The following PTPRD variants were observed in gnomAD, a reference collection of about 807,000 sequenced individuals.
PTPRD encodes receptor-type tyrosine-protein phosphatase delta.
Under a neutral mutation model 214.5 loss-of-function variants are expected in PTPRD, and 34 were observed. That is an observed-to-expected ratio of 0.16 (90% confidence interval 0.12 to 0.21). The LOEUF (loss-of-function observed/expected upper bound fraction) is 0.21, where lower values mean the gene tolerates loss of function less well. Among genes scored for constraint, PTPRD ranks in the 10% least tolerant of loss-of-function variants. PTPRD has a pLI of 1.00. For missense variants in PTPRD, 2,545 were observed against 2,398.7 expected, an observed-to-expected ratio of 1.06 and a Z score of -1.27; for synonymous variants, 1,128 against 845.7, an observed-to-expected ratio of 1.33 and a Z score of -5.79.
rs542659519 is a variant in PTPRD, at chr9:9,642,405, T to TA, written c.-286-67625dup. 1.1e-4 allele frequency among the ~76,000 whole-genome samples: 17 copies of TA among 151,644 alleles called. No individual in the cohort carries two copies. In the South Asian group the frequency reaches 3.1e-3, roughly 28 times the overall value. ...CAATGTGCACATGTACCCTAAAACTTAAAGTATAATAAAAAAAATAAGTTA... is the reference window on the plus strand; with the variant it reads ...CAATGTGCACATGTACCCTAAAACTTAAAAGTATAATAAAAAAAATAAGTTA... On this transcript the variant is annotated intron_variant, in intron 7 of 45. Transcript: ENST00000381196.
intron 2 of PTPRD, among the ~76,000 whole-genome samples, chr9:10,503,721 A>T (rs1010024857): frequency 1.3e-5 from 2 of 152,076 alleles, no homozygotes; most frequent in African/African-American, 2.4e-5. Flanking sequence ...AAATGAATAG[A>T]CTATATGGTG....
chr9:10,408,104 CTTG>C (rs2098394121), intron 2 of PTPRD, among the ~76,000 whole-genome samples: 1 of 151,508 alleles, frequency 6.6e-6, no homozygotes, highest in Non-Finnish European at 1.5e-5. Context: ...ATTTCCCTGC[CTTG>C]TTATCTTTGC....
chr9:10,211,038 T>C (rs772995666), intron 3 of PTPRD, among the ~76,000 whole-genome samples: 16 of 151,716 alleles, frequency 1.1e-4, no homozygotes, highest in Non-Finnish European at 1.9e-4. Flanking sequence ...AAACACAGTA[T>C]ATGATTTTTA....
chr9:9,217,190 C>T (rs76290162), intron 9 of PTPRD, among the ~76,000 whole-genome samples: 5,198 of 152,126 alleles, frequency 0.034, 135 homozygotes, highest in South Asian at 0.058. Context: ...CTGTCTCTTC[C>T]TAATGTTGGG....
At chr9:8,944,260 G>A (rs1328298908) in intron 11 of PTPRD, among the ~76,000 whole-genome samples, 1 of 152,102 alleles carries the variant, frequency 6.6e-6, no homozygotes, top group African/African-American at 2.4e-5. Flanking sequence ...AGTGAATGCT[G>A]GCGAGGATGT....
chr9:8,322,288 A>G (rs7848626), intron 44 of PTPRD, among the ~76,000 whole-genome samples: 68,178 of 152,040 alleles, frequency 0.45, 19,670 homozygotes, highest in African/African-American at 0.82. Flanking sequence ...TAAATCACAA[A>G]CTAGAAATAA....
intron 11 of PTPRD, among the ~76,000 whole-genome samples, chr9:8,761,623 A>G (rs1473532478): frequency 6.6e-6 from 1 of 152,196 alleles, no homozygotes; most frequent in Non-Finnish European, 1.5e-5. Context: ...AGGAGTTACA[A>G]TCCTAAGAAC....
intron 9 of PTPRD, among the ~76,000 whole-genome samples, chr9:9,322,990 G>T (rs1165406306): frequency 6.6e-6 from 1 of 152,038 alleles, no homozygotes; most frequent in African/African-American, 2.4e-5. Flanking sequence ...AACCTTCCAA[G>T]AAAATAAATT....
intron 12 of PTPRD, among the ~76,000 whole-genome samples, chr9:8,658,283 T>C (rs1260436181): frequency 1.3e-5 from 2 of 152,206 alleles, no homozygotes; most frequent in African/African-American, 2.4e-5. Flanking sequence ...AATAGCAATT[T>C]AATTTTTAAA....
chr9:8,851,879 C>A (rs1178603040), intron 11 of PTPRD, among the ~76,000 whole-genome samples: 1 of 151,992 alleles, frequency 6.6e-6, no homozygotes, highest in Non-Finnish European at 1.5e-5. Flanking sequence ...GTTCTTTTCA[C>A]TGTAGCCTAA....
At chr9:9,332,150 G>C (rs1029787390) in intron 9 of PTPRD, among the ~76,000 whole-genome samples, 1 of 152,028 alleles carries the variant, frequency 6.6e-6, no homozygotes, top group Non-Finnish European at 1.5e-5. Flanking sequence ...ATACCAAATT[G>C]TAAGAATGTG....
Position 8,341,176 on chromosome 9 carries a change from T to C in PTPRD, c.5040A>G (p.Pro1680=), listed in dbSNP as rs765306433. Residue 1680 remains proline, a synonymous_variant, in exon 41 of 46, where the codon CCA becomes CCG. Coordinates refer to ENST00000381196, the MANE Select transcript of PTPRD (RefSeq NM_002839.4). ...GCAGGCATACCCTTGTGGATTCATA[T>C]GGCATAATATTAACAAGGCGATTTT... The part of the protein sequence containing the change: ...KFKNRLVNIM[P]YESTRVCLQP... The C allele has an allele frequency of 1.2e-6, 2 of 1,613,216 alleles. No homozygotes were observed. Among genetic ancestry groups the C allele is most frequent in the Non-Finnish European group, 1.7e-6 (2 of 1,179,522 alleles).
intron 10 of PTPRD, among the ~76,000 whole-genome samples, chr9:9,154,295 A>G (rs986545422): frequency 2.0e-5 from 3 of 152,178 alleles, no homozygotes; most frequent in Admixed American, 6.6e-5. Flanking sequence ...GGTTGCCATA[A>G]CAAAATACCA....
intron 2 of PTPRD, among the ~76,000 whole-genome samples, chr9:10,582,466 A>C (rs1342643611): frequency 2.0e-5 from 3 of 152,170 alleles, no homozygotes. Flanking sequence ...ATATTTTGTT[A>C]GCTTGTTTCT....
chr9:9,194,464 A>C (rs1332300801), intron 9 of PTPRD, among the ~76,000 whole-genome samples: 3 of 152,188 alleles, frequency 2.0e-5, no homozygotes, highest in African/African-American at 4.8e-5. Context: ...CAGCATCGCC[A>C]CAAACATATG....
chr9:8,377,401 G>A (rs2083576701), intron 37 of PTPRD, among the ~76,000 whole-genome samples: 1 of 152,066 alleles, frequency 6.6e-6, no homozygotes, highest in African/African-American at 2.4e-5. Flanking sequence ...CAATTTCTAT[G>A]TGAAGTGGAA....
At position 10,417,272 on chromosome 9, in the gene PTPRD, C is replaced by A. The variant is rs542016803; in HGVS notation, c.-599-76255G>T. ...TCAAAACTTATTACATTCTAATAAT[C>A]GACCTGTGTACCTTCTTCCAATGAA... On this transcript the variant is annotated intron_variant, in intron 2 of 45. Coordinates refer to ENST00000381196, the MANE Select transcript of PTPRD (RefSeq NM_002839.4). Among the ~76,000 whole-genome samples the A allele has an allele frequency of 3.9e-5, 6 of 151,902 alleles. 1 individual carries two copies. Among genetic ancestry groups the A allele is most frequent in the Admixed American group, 3.3e-4 (5 of 15,218 alleles).
At chr9:9,198,483 C>T (rs1226230154) in intron 9 of PTPRD, among the ~76,000 whole-genome samples, 4 of 151,946 alleles carry the variant, frequency 2.6e-5, no homozygotes, top group South Asian at 2.1e-4. Flanking sequence ...CTGACACATG[C>T]GATGTGGAAG....
At chr9:9,137,833 T>C (rs2099853384) in intron 10 of PTPRD, among the ~76,000 whole-genome samples, 1 of 152,210 alleles carries the variant, frequency 6.6e-6, no homozygotes, top group Non-Finnish European at 1.5e-5. Flanking sequence ...AATAAAGTTG[T>C]TCTTTACTTA....
Sources: gnomAD v4.1 joint callset for allele counts (sites outside exome capture counted in the v4.1 genomes callset) on GRCh38, gnomAD v4.1.1 for gene constraint, MANE v1.5 for transcripts, NCBI Gene and HGNC (gene_info 2026-07-23, HGNC 2026-07-21) for gene names.